Variants in BMP6 observed in about 807,000 individuals in gnomAD.
BMP6 encodes VG-1-R.
Under a neutral mutation model 54.1 loss-of-function variants are expected in BMP6, and 17 were observed. The ratio of observed to expected loss-of-function variants is 0.31; its 90% CI spans 0.22 to 0.47. BMP6 has a LOEUF of 0.47. Among genes scored for constraint, BMP6 ranks in the 20% least tolerant of loss-of-function variants. BMP6 has a pLI of 1.00. For synonymous variants in BMP6, 328 were observed against 291.2 expected, an observed-to-expected ratio of 1.13 and a Z score of -1.28; for missense variants, 720 against 690.4, an observed-to-expected ratio of 1.04 and a Z score of -0.48.
At position 7,856,374 on chromosome 6, in the gene BMP6, T is replaced by C. The variant is rs76144018; in HGVS notation, c.858-5077T>C. 2.4e-3 allele frequency among the ~76,000 whole-genome samples: 367 copies of C among 152,010 alleles called. 4 individuals are homozygous for C. The highest frequency in any genetic ancestry group is 8.3e-3 in the African/African-American group (346 of 41,512). ...TTTTCTAAAATGAAAATGGATTTTT[T>C]TTACTTTCATTCTATTTGAAAAATG... On this transcript the variant is annotated intron_variant, in intron 2 of 6. Transcript: ENST00000283147.
Position 7,845,793 on chromosome 6 carries a change from A to AT in BMP6, c.857+473dup, listed in dbSNP as rs75253096. 5.5e-3 allele frequency among the ~76,000 whole-genome samples: 803 copies of AT among 146,196 alleles called. 8 individuals carry two copies. Among genetic ancestry groups the AT allele is most frequent in the African/African-American group, 0.016 (622 of 40,082 alleles). ...CTTTGAGTAAGCTTGTGTGTGATGT[A>AT]TTTTTTTTTTTTATCACTTGGATAC... On this transcript the variant is annotated intron_variant, in intron 2 of 6. Transcript: ENST00000283147.
chr6:7,855,877 G>A (rs1045515221), intron 2 of BMP6, among the ~76,000 whole-genome samples: 2 of 151,770 alleles, frequency 1.3e-5, no homozygotes, highest in African/African-American at 4.8e-5. Context: ...ACCTGTAACA[G>A]CATTAATAGT....
chr6:7,764,998 C>A (rs1289416067), intron 1 of BMP6, among the ~76,000 whole-genome samples: 1 of 152,158 alleles, frequency 6.6e-6, no homozygotes, highest in African/African-American at 2.4e-5. Context: ...TCGTTGACTT[C>A]CTGGCCAAAT....
chr6:7,726,960 C>G lies in BMP6; in HGVS notation c.5C>G (p.Pro2Arg). 1.8e-6 allele frequency: 2 copies of G among 1,133,436 alleles called. No individual in the cohort carries two copies. Among genetic ancestry groups the G allele is most frequent in the Non-Finnish European group, 1.1e-6 (1 of 925,082 alleles). The allele number at this position is 1,133,436 out of a possible 1,614,324, so 70.2% of individuals were successfully genotyped here. M[P>R]GLGRRAQWLC... ...GGGCAGCCCGGCCGGGCGGGGATGCCGGGGCTGGGGCGGAGGGCGCAGTGG... is the reference window on the plus strand; with the variant it reads ...GGGCAGCCCGGCCGGGCGGGGATGCGGGGGCTGGGGCGGAGGGCGCAGTGG... Residue 2 changes from proline to arginine, a missense_variant, in exon 1 of 7, where the codon CCG becomes CGG. Pro to Arg is a moderately radical substitution (Grantham distance 103). Around this residue, in one of 3 missense-constraint regions of BMP6, gnomAD observed 650 missense variants for 556.3 expected, o/e 1.17. Transcript: ENST00000283147.
At chr6:7,846,166 G>C (rs967168641) in intron 2 of BMP6, among the ~76,000 whole-genome samples, 1 of 152,134 alleles carries the variant, frequency 6.6e-6, no homozygotes, top group Non-Finnish European at 1.5e-5. Flanking sequence ...GTGATATGAC[G>C]GTCTGGCAAT....
intron 1 of BMP6, among the ~76,000 whole-genome samples, chr6:7,739,123 A>G (rs965402673): frequency 2.0e-5 from 3 of 152,318 alleles, no homozygotes. Context: ...AAAAATAGGC[A>G]GACTTCTTTT....
intron 1 of BMP6, among the ~76,000 whole-genome samples, chr6:7,744,721 G>C (rs935125363): frequency 2.6e-5 from 4 of 152,146 alleles, no homozygotes; most frequent in African/African-American, 9.7e-5. Context: ...AGCATGGGTG[G>C]TCCAGGAGTC....
chr6:7,856,614 T>TTTTTTTTTTTTTTTTTTTTTTTTGTG, intron 2 of BMP6, among the ~76,000 whole-genome samples: 1 of 95,162 alleles, frequency 1.1e-5, no homozygotes, highest in East Asian at 3.8e-4. Flanking sequence ...TTTTTTTTTT[T>TTTTTTTTTTTTTTTTTTTTTTTTGTG]GAGACGGAGT....
At chr6:7,767,744 G>T (rs765637373) in intron 1 of BMP6, among the ~76,000 whole-genome samples, 1 of 152,274 alleles carries the variant, frequency 6.6e-6, no homozygotes, top group Admixed American at 6.5e-5. Flanking sequence ...GCCCTGCTAC[G>T]TCTGAGTCTG....
intron 1 of BMP6, among the ~76,000 whole-genome samples, chr6:7,831,755 C>T (rs1758797415): frequency 6.6e-6 from 1 of 152,188 alleles, no homozygotes. Context: ...ATGTGTTCAG[C>T]AGGTTCTCCA....
chr6:7,755,528 C>T (rs1226099), intron 1 of BMP6, among the ~76,000 whole-genome samples: 58,982 of 151,966 alleles, frequency 0.39, 13,015 homozygotes, highest in Non-Finnish European at 0.5. Flanking sequence ...TTACAAAGCC[C>T]ATAATACCCT....
At chr6:7,790,091 G>A (rs937898942) in intron 1 of BMP6, among the ~76,000 whole-genome samples, 3 of 152,060 alleles carry the variant, frequency 2.0e-5, no homozygotes, top group Non-Finnish European at 4.4e-5. Flanking sequence ...GTGTTGTCTA[G>A]GGCTGTTCCC....
chr6:7,727,402 G>A lies in BMP6; in HGVS notation c.447G>A (p.Glu149=). Residue 149 remains glutamate, a synonymous_variant, in exon 1 of 7, where the codon GAG becomes GAA. Coordinates refer to ENST00000283147, the MANE Select transcript of BMP6 (RefSeq NM_001718.6). ...LYNALSADND[E]DGASEGERQQ... ...ACGCCCTGTCCGCCGACAACGACGAGGACGGGGCGTCGGAGGGGGAGAGGC... is the reference window on the plus strand; with the variant it reads ...ACGCCCTGTCCGCCGACAACGACGAAGACGGGGCGTCGGAGGGGGAGAGGC... 1 of 1,607,218 alleles carries A rather than the reference G, an allele frequency of 6.2e-7. No homozygotes were observed. The highest frequency in any genetic ancestry group is 8.5e-7 in the Non-Finnish European group (1 of 1,177,666).
chr6:7,799,339 G>A (rs373091184), intron 1 of BMP6, among the ~76,000 whole-genome samples: 4 of 152,134 alleles, frequency 2.6e-5, no homozygotes, highest in African/African-American at 7.2e-5. Flanking sequence ...GGTCAGGTGC[G>A]AAATCAGTAA....
At chr6:7,755,712 C>T (rs1757504689) in intron 1 of BMP6, among the ~76,000 whole-genome samples, 1 of 151,892 alleles carries the variant, frequency 6.6e-6, no homozygotes, top group Non-Finnish European at 1.5e-5. Context: ...CTTCTGTTAA[C>T]TTTTCATGTA....
chr6:7,832,241 G>A (rs777092743), intron 1 of BMP6, among the ~76,000 whole-genome samples: 1 of 152,138 alleles, frequency 6.6e-6, no homozygotes, highest in Admixed American at 6.5e-5. Context: ...GCAATAGACC[G>A]AATGTTTGTT....
At chr6:7,814,452 T>C (rs1300622078) in intron 1 of BMP6, among the ~76,000 whole-genome samples, 2 of 152,242 alleles carry the variant, frequency 1.3e-5, no homozygotes, top group African/African-American at 4.8e-5. Flanking sequence ...TCTGTCTTCC[T>C]GTTGTTTGCA....
intron 1 of BMP6, among the ~76,000 whole-genome samples, chr6:7,828,983 A>G (rs1758746257): frequency 6.6e-6 from 1 of 152,212 alleles, no homozygotes; most frequent in Non-Finnish European, 1.5e-5. Context: ...GCCGCGAATA[A>G]TAGGTCATCT....
chr6:7,730,999 C>T (rs148051943), intron 1 of BMP6, among the ~76,000 whole-genome samples: 191 of 152,302 alleles, frequency 1.3e-3, no homozygotes, highest in African/African-American at 4.4e-3. Context: ...GTAAGCCAGC[C>T]GGACTATCAG....
Sources: gnomAD v4.1 joint callset for allele counts (sites outside exome capture counted in the v4.1 genomes callset) on GRCh38, gnomAD v4.1.1 for gene constraint, gnomAD v4.1.1 regional missense constraint, MANE v1.5 for transcripts, NCBI Gene and HGNC (gene_info 2026-07-23, HGNC 2026-07-21) for gene names.